The following ACSL1 variants were observed in gnomAD, a reference collection of about 807,000 sequenced individuals.
The protein encoded by ACSL1 is acyl-CoA synthetase long chain family member 1, also known as long-chain-fatty-acid--CoA ligase 1.
ACSL1 carries 41 observed loss-of-function variants against 98.4 expected under a neutral mutation model. That is an observed-to-expected ratio of 0.42 (90% CI 0.32 to 0.54). ACSL1 has a LOEUF of 0.54. ACSL1 is among the 20% of genes least tolerant of loss of function. The pLI, the probability that ACSL1 is intolerant of heterozygous loss-of-function variation, is 0.13. For missense variants in ACSL1, 734 were observed against 883.1 expected (o/e 0.83, Z 2.14); for synonymous variants, 316 against 322.7 (o/e 0.98, Z 0.22).
chr4:184,800,061 C>T (rs1156682607), intron 2 of ACSL1, among the ~76,000 whole-genome samples: 1 of 152,142 alleles, frequency 6.6e-6, no homozygotes, highest in Non-Finnish European at 1.5e-5. Context: ...ATAATTTTAC[C>T]TCTTTGGACT....
chr4:184,804,435 C>G (rs1374157075), intron 1 of ACSL1, among the ~76,000 whole-genome samples: 1 of 152,066 alleles, frequency 6.6e-6, no homozygotes, highest in Non-Finnish European at 1.5e-5. Flanking sequence ...CAAAAATTAG[C>G]CAGGTGTGGT....
chr4:184,766,379 A>G lies in ACSL1; in HGVS notation c.1263+243T>C, dbSNP rs185711974. On this transcript the variant is annotated intron_variant, in intron 13 of 20. Coordinates refer to ENST00000281455, the MANE Select transcript of ACSL1 (RefSeq NM_001995.5). The surrounding 1 kb of genome is among the most constrained non-coding windows in gnomAD (Gnocchi z 4.8). ...GTTCCGGAAAAACGCAACAAAATGG[A>G]GAATGAGAAAGGCTCCACTACCCTG... Among the ~76,000 whole-genome samples, 367 of 152,314 alleles carry G rather than the reference A, an allele frequency of 2.4e-3. 1 individual carries two copies. Among genetic ancestry groups the G allele is most frequent in the African/African-American group, 8.5e-3 (354 of 41,562 alleles).
chr4:184,782,030 G>A (rs1316135154), intron 4 of ACSL1, among the ~76,000 whole-genome samples: 1 of 152,070 alleles, frequency 6.6e-6, no homozygotes, highest in Non-Finnish European at 1.5e-5. Context: ...CTGGTTCTGG[G>A]CCTTGGCACC....
intron 4 of ACSL1, among the ~76,000 whole-genome samples, 169 bp from the exon 5 acceptor site, chr4:184,780,602 T>C (rs989552695): frequency 1.3e-5 from 2 of 152,166 alleles, no homozygotes; most frequent in African/African-American, 4.8e-5. Context: ...AAACACAAGG[T>C]TTTATTCACA....
chr4:184,790,691 T>C (rs1399145972), intron 2 of ACSL1, among the ~76,000 whole-genome samples: 2 of 152,250 alleles, frequency 1.3e-5, no homozygotes, highest in African/African-American at 4.8e-5. Context: ...TTCTTTTCTG[T>C]AAAATGGAGA....
chr4:184,805,705 G>T (rs954348867), intron 1 of ACSL1: 1 of 160,354 alleles, frequency 6.2e-6, no homozygotes, highest in African/African-American at 2.4e-5. Context: ...TGGGCTAAAG[G>T]TAACTAGCAG....
intron 1 of ACSL1, among the ~76,000 whole-genome samples, chr4:184,824,688 T>A (rs907778505): frequency 1.1e-4 from 16 of 152,158 alleles, no homozygotes; most frequent in African/African-American, 3.9e-4. Context: ...TTCCACTATA[T>A]CACACTGCAC....
At chr4:184,804,202 G>A (rs1771020473) in intron 1 of ACSL1, among the ~76,000 whole-genome samples, 1 of 152,190 alleles carries the variant, frequency 6.6e-6, no homozygotes, top group South Asian at 2.1e-4. Flanking sequence ...ATAAATTGGT[G>A]TGCATAAACT....
chr4:184,819,313 T>A (rs1772877517), intron 1 of ACSL1, among the ~76,000 whole-genome samples: 1 of 151,874 alleles, frequency 6.6e-6, no homozygotes, highest in African/African-American at 2.4e-5. Flanking sequence ...TGGCTAATTT[T>A]TGTATTTTTA....
Position 184,825,264 on chromosome 4 carries a change from T to C in ACSL1, c.-33+652A>G. On this transcript the variant is annotated intron_variant, in intron 1 of 20. Coordinates refer to ENST00000281455, the MANE Select transcript of ACSL1 (RefSeq NM_001995.5). This position sits in a 1 kb window ranked among gnomAD's most constrained non-coding sequence, Gnocchi z 4.7. ...ACGCTGCCAGGTGACAGACATCATC[T>C]TTGCTTCTCAATTTCAAAAAATGCC... 1.0e-6 allele frequency: 1 copy of C among 985,386 alleles called. No homozygotes were observed. 61.0% of individuals were successfully genotyped at this position (985,386 alleles called of 1,614,324 possible). A position where few individuals can be genotyped will look rare whatever the true frequency, so the allele number is the denominator to read the frequency against.
chr4:184,824,441 G>A (rs1341979129), intron 1 of ACSL1, among the ~76,000 whole-genome samples: 1 of 151,982 alleles, frequency 6.6e-6, no homozygotes, highest in South Asian at 2.1e-4. Context: ...TTTTTTTTAA[G>A]TATTCTGTTT....
At chr4:184,764,968 C>G in intron 14 of ACSL1, 43 bp from the exon 15 acceptor site, 1 of 1,582,086 alleles carries the variant, frequency 6.3e-7, no homozygotes. Flanking sequence ...AGAGCACAAT[C>G]ACACCTTTAC....
chr4:184,818,246 T>A (rs914684884), intron 1 of ACSL1, among the ~76,000 whole-genome samples: 2 of 152,152 alleles, frequency 1.3e-5, no homozygotes, highest in Non-Finnish European at 2.9e-5. Context: ...AAGGGGCAAT[T>A]TGAACACAAG....
At chr4:184,824,636 T>A (rs1773320684) in intron 1 of ACSL1, among the ~76,000 whole-genome samples, 2 of 152,136 alleles carry the variant, frequency 1.3e-5, no homozygotes, top group South Asian at 4.1e-4. Context: ...TTTTCCGAGT[T>A]GAGTCAGAAC....
chr4:184,757,487 A>T lies in ACSL1; in HGVS notation c.1956+148T>A. 2.0e-6 allele frequency: 2 copies of T among 980,880 alleles called. 1 individual carries two copies. Among genetic ancestry groups the T allele is most frequent in the South Asian group, 3.2e-5 (2 of 61,938 alleles). The allele number at this position is 980,880 out of a possible 1,614,324, so 60.8% of individuals were successfully genotyped here. A position where few individuals can be genotyped will look rare whatever the true frequency, so the allele number is the denominator to read the frequency against. On this transcript the variant is annotated intron_variant, in intron 20 of 20. Coordinates refer to ENST00000281455, the MANE Select transcript of ACSL1 (RefSeq NM_001995.5). The surrounding 1 kb of genome is among the most constrained non-coding windows in gnomAD (Gnocchi z 4.5). ...AAAAGAGAATAAATGCTTTTGATTT[A>T]AAAACCTTTCCCCTGTCAAACTACT... is the stretch of plus-strand genomic sequence containing the variant.
intron 1 of ACSL1, chr4:184,805,628 C>T (rs1043008687): frequency 5.6e-6 from 3 of 534,280 alleles, no homozygotes; most frequent in African/African-American, 2.1e-5. Context: ...GGCTCAGCTG[C>T]GCTCCCCCAG....
At position 184,785,596 on chromosome 4, in the gene ACSL1, T is replaced by TGGGCC. The variant is rs1561209319; in HGVS notation, c.311-1606_311-1605insGGCCC. ...AAAGCTTAGAATAAAAAGATCCTCC[T>TGGGCC]GGGCGGGGGCGGGGGGGGGGGGGGG... is the stretch of plus-strand genomic sequence containing the variant. On this transcript the variant is annotated intron_variant, in intron 3 of 20. Transcript: ENST00000281455. 9.8e-4 allele frequency among the ~76,000 whole-genome samples: 2 copies of TGGGCC among 2,042 alleles called. 1 individual carries two copies. Among genetic ancestry groups the TGGGCC allele is most frequent in the Non-Finnish European group, 4.8e-3 (2 of 418 alleles). The allele number at this position is 2,042 out of a possible 152,430, so 1.3% of individuals were successfully genotyped here. A position where few individuals can be genotyped will look rare whatever the true frequency, so the allele number is the denominator to read the frequency against.
chr4:184,803,752 C>T lies in ACSL1; in HGVS notation c.-32-206G>A. 6.6e-6 allele frequency among the ~76,000 whole-genome samples: 1 copy of T among 152,168 alleles called. No individual in the cohort carries two copies. Among genetic ancestry groups the T allele is most frequent in the Non-Finnish European group, 1.5e-5 (1 of 68,030 alleles). ...TTAGGATTTCATTTTCATTCTATTTCTCCATTACCTTGTATTGAAAAAACC... is the reference window on the plus strand; with the variant it reads ...TTAGGATTTCATTTTCATTCTATTTTTCCATTACCTTGTATTGAAAAAACC... On this transcript the variant is annotated intron_variant, in intron 1 of 20. Transcript: ENST00000281455. The surrounding 1 kb of genome is among the most constrained non-coding windows in gnomAD (Gnocchi z 4.8).
chr4:184,764,904 T>C lies in ACSL1; in HGVS notation c.1381A>G (p.Thr461Ala). 6.2e-7 allele frequency: 1 copy of C among 1,614,000 alleles called. No individual in the cohort carries two copies. The highest frequency in any genetic ancestry group is 8.5e-7 in the Non-Finnish European group (1 of 1,179,936). The change falls in exon 15 of 21, where the codon ACA becomes GCA. Residue 461 changes from threonine (T) to alanine (A), a missense_variant. Physicochemically the swap from Thr to Ala is moderately conservative, Grantham distance 58. Transcript: ENST00000281455. The stretch of plus-strand genomic sequence containing the variant: ...AGGCAGCACCCGGCAGTGCACTCTG[T>C]CTGTCCGTATCCTTCATAAAACTGG... ...GCQFYEGYGQ[T>A]ECTAGCCLTM...
Sources: allele counts gnomAD v4.1 joint callset (sites outside exome capture counted in the v4.1 genomes callset), GRCh38; gene constraint gnomAD v4.1.1; non-coding constraint Gnocchi (gnomAD v3.1); transcripts MANE v1.5; gene names NCBI Gene and HGNC (gene_info 2026-07-23, HGNC 2026-07-21).